DENND1B: variants seen among roughly 807,000 people sequenced by gnomAD.
DENND1B encodes DENN domain containing 1B, also known as DENN domain-containing protein 1B.
In DENND1B, 59 loss-of-function variants were observed where a neutral mutation model predicts 90.1. That is an observed-to-expected ratio of 0.65 (90% CI 0.53 to 0.81). The LOEUF is 0.81. DENND1B is among the 40% of genes least tolerant of loss of function. The pLI is 0.00. For synonymous variants in DENND1B, 337 were observed against 324.6 expected, an observed-to-expected ratio of 1.04 and a Z score of -0.41; for missense variants, 862 against 912.6, an observed-to-expected ratio of 0.94 and a Z score of 0.71.
chr1:197,746,964 C>A, intron 2 of DENND1B: 2 of 1,161,116 alleles, frequency 1.7e-6, no homozygotes, highest in Non-Finnish European at 2.6e-6. Context: ...TATTCCACCC[C>A]TCCACAGCCT....
At chr1:197,521,709 C>G (rs759641998) in intron 20 of DENND1B, among the ~76,000 whole-genome samples, 3 of 151,770 alleles carry the variant, frequency 2.0e-5, no homozygotes, top group South Asian at 2.1e-4. Flanking sequence ...GTTTATAATT[C>G]AAAACAAGCT....
At chr1:197,529,203 G>GATATATATAT (rs71131771) in intron 20 of DENND1B, among the ~76,000 whole-genome samples, 14 of 117,350 alleles carry the variant, frequency 1.2e-4, no homozygotes, top group African/African-American at 5.0e-4. Context: ...AGTTAAGAGT[G>GATATATATAT]ATATATATAT....
intron 20 of DENND1B, among the ~76,000 whole-genome samples, chr1:197,529,242 A>ATATATGTGTGTG (rs1553277550): frequency 8.3e-4 from 9 of 10,870 alleles, no homozygotes; most frequent in Admixed American, 1.3e-3. Context: ...ATATATATAT[A>ATATATGTGTGTG]TGTGTGTGTG....
At chr1:197,540,396 A>C (rs1326191497) in intron 19 of DENND1B, among the ~76,000 whole-genome samples, 1 of 152,066 alleles carries the variant, frequency 6.6e-6, no homozygotes, top group African/African-American at 2.4e-5. Context: ...AGATTTAAGT[A>C]GTATGTTTTC....
rs577763590 is a variant in DENND1B at position 197,707,967 on chromosome 1, G to A, written c.126+7064C>T. 1.1e-4 allele frequency among the ~76,000 whole-genome samples: 16 copies of A among 152,182 alleles called. No individual in the cohort carries two copies. In the East Asian group the frequency reaches 1.4e-3, roughly 13 times the overall value. ...TTTCCAAGTCAAAGAAAGGGGTGAC[G>A]GCCGCACCCGGAAAATCAGGTCACT... is the stretch of plus-strand genomic sequence containing the variant. On this transcript the variant is annotated intron_variant, in intron 3 of 22. Transcript: ENST00000620048.
At chr1:197,753,384 C>G (rs1180928318) in intron 2 of DENND1B, among the ~76,000 whole-genome samples, 1 of 151,858 alleles carries the variant, frequency 6.6e-6, no homozygotes, top group African/African-American at 2.4e-5. Flanking sequence ...GTAAAAAGAT[C>G]AAGGGTTGGA....
At chr1:197,529,897 C>T (rs1669499261) in intron 20 of DENND1B, among the ~76,000 whole-genome samples, 1 of 152,142 alleles carries the variant, frequency 6.6e-6, no homozygotes, top group Non-Finnish European at 1.5e-5. Flanking sequence ...GACTCACTGG[C>T]CCTGTTTTCA....
chr1:197,715,853 A>T, intron 2 of DENND1B, among the ~76,000 whole-genome samples: 1 of 151,866 alleles, frequency 6.6e-6, no homozygotes, highest in Non-Finnish European at 1.5e-5. Context: ...CCATATACTT[A>T]TTGTTTAATT....
rs766679906 is a variant in DENND1B at position 197,510,597 on chromosome 1, T to C, written c.2191A>G (p.Lys731Glu). ...RHSSTFVPWE[K>E]EGKEAKETSE... ...GTCTCTTTGGCTTCTTTCCCTTCTT[T>C]CTCCCAAGGAACAAAAGTCGATGAA... is the stretch of plus-strand genomic sequence containing the variant. The change falls in exon 23 of 23, where the codon AAA (lysine) becomes GAA (glutamate). Residue 731 changes from lysine (K) to glutamate (E), a missense_variant. Coordinates refer to ENST00000620048, the MANE Select transcript of DENND1B (RefSeq NM_001195215.2). 1.2e-6 allele frequency: 2 copies of C among 1,612,594 alleles called. No individual in the cohort carries two copies. Among genetic ancestry groups the C allele is most frequent in the African/African-American group, 2.7e-5 (2 of 74,770 alleles).
chr1:197,557,180 A>G (rs1671787033), intron 15 of DENND1B, among the ~76,000 whole-genome samples: 1 of 152,002 alleles, frequency 6.6e-6, no homozygotes, highest in South Asian at 2.1e-4. Flanking sequence ...CATTTGTAAC[A>G]CAGTATTATA....
rs747110406 is a variant in DENND1B, at chr1:197,674,123, T to C, written c.173A>G (p.Glu58Gly). 2 of 1,597,930 alleles carry C rather than the reference T, an allele frequency of 1.3e-6. No individual in the cohort carries two copies. The highest frequency in any genetic ancestry group is 8.6e-7 in the Non-Finnish European group (1 of 1,169,084). The change falls in exon 4 of 23, where the codon GAA becomes GGA. Residue 58 changes from glutamate to glycine, a missense_variant. Glu to Gly is a moderately conservative substitution (Grantham distance 98). Coordinates refer to ENST00000620048, the MANE Select transcript of DENND1B (RefSeq NM_001195215.2). ...TTAAATGATACTTATACTGTACCTT[T>C]CAACGTCAAAGGGAAAACAGAACTT... Reference protein sequence around the residue: ...VPKFCFPFDVERVSQNQVGQH... With the variant: ...VPKFCFPFDVGRVSQNQVGQH...
intron 3 of DENND1B, among the ~76,000 whole-genome samples, chr1:197,686,786 T>G (rs1657287681): frequency 6.6e-6 from 1 of 151,944 alleles, no homozygotes; most frequent in Admixed American, 6.6e-5. Flanking sequence ...TCACAACTCC[T>G]TCTTCATATT....
intron 2 of DENND1B, among the ~76,000 whole-genome samples, chr1:197,751,596 C>T (rs1558479790): frequency 6.6e-6 from 1 of 152,136 alleles, no homozygotes; most frequent in South Asian, 2.1e-4. Context: ...GTAAGCCCAG[C>T]ACTTTGGGAG....
intron 2 of DENND1B, among the ~76,000 whole-genome samples, chr1:197,718,298 G>C (rs1166057487): frequency 6.6e-6 from 1 of 151,598 alleles, no homozygotes; most frequent in Non-Finnish European, 1.5e-5. Flanking sequence ...AAACGTCAAA[G>C]GGCAATTTCG....
chr1:197,725,250 T>C (rs1457860650), intron 2 of DENND1B, among the ~76,000 whole-genome samples: 1 of 152,122 alleles, frequency 6.6e-6, no homozygotes, highest in Non-Finnish European at 1.5e-5. Context: ...CTACATACAT[T>C]ATTACATCGA....
At chr1:197,604,279 T>A (rs1471561736) in intron 13 of DENND1B, among the ~76,000 whole-genome samples, 2 of 150,922 alleles carry the variant, frequency 1.3e-5, no homozygotes, top group African/African-American at 2.4e-5. Flanking sequence ...GGAAAAGAGG[T>A]TTTCCCCCTC....
chr1:197,770,474 C>T (rs1157051797), intron 2 of DENND1B, among the ~76,000 whole-genome samples: 2 of 151,756 alleles, frequency 1.3e-5, no homozygotes, highest in African/African-American at 4.8e-5. Context: ...AGACCACAAT[C>T]TCTCTGACAC....
chr1:197,648,032 A>G (rs1327302300), intron 7 of DENND1B, among the ~76,000 whole-genome samples: 1 of 152,174 alleles, frequency 6.6e-6, no homozygotes, highest in African/African-American at 2.4e-5. Flanking sequence ...AGTGTGTATA[A>G]GAAGGCTTAA....
intron 2 of DENND1B, among the ~76,000 whole-genome samples, chr1:197,768,170 G>GTCGTCCTCCTCC (rs889123171): frequency 2.7e-5 from 4 of 149,602 alleles, no homozygotes; most frequent in Admixed American, 1.3e-4. Context: ...CCTCCTCTTC[G>GTCGTCCTCCTCC]TCGTCCTCCT....
Sources: allele counts gnomAD v4.1 joint callset (sites outside exome capture counted in the v4.1 genomes callset), GRCh38; gene constraint gnomAD v4.1.1; transcripts MANE v1.5; gene names NCBI Gene and HGNC (gene_info 2026-07-23, HGNC 2026-07-21).